The following MSI2 variants were observed in gnomAD, a reference collection of about 807,000 sequenced individuals.
MSI2 encodes the protein RNA-binding protein Musashi homolog 2.
MSI2 carries 17 observed loss-of-function variants against 45.6 expected under a neutral mutation model. The ratio of observed to expected loss-of-function variants is 0.37; its 90% CI spans 0.26 to 0.56. MSI2 has a LOEUF of 0.56. Among genes scored for constraint, MSI2 ranks in the 20% least tolerant of loss-of-function variants. MSI2 has a pLI of 0.77. For synonymous variants in MSI2, 156 were observed against 158.2 expected, an observed-to-expected ratio of 0.99 and a Z score of 0.11; for missense variants, 293 against 444.2, an observed-to-expected ratio of 0.66 and a Z score of 3.06.
At chr17:57,433,441 G>A (rs1168596150) in intron 6 of MSI2, among the ~76,000 whole-genome samples, 1 of 152,146 alleles carries the variant, frequency 6.6e-6, no homozygotes, top group Non-Finnish European at 1.5e-5. Context: ...CACAAGCCAT[G>A]GGACACCAAG....
intron 6 of MSI2, among the ~76,000 whole-genome samples, chr17:57,523,928 T>C (rs981478859): frequency 2.0e-5 from 3 of 152,226 alleles, no homozygotes; most frequent in African/African-American, 7.2e-5. Context: ...GCCACAAGAA[T>C]GCTGTGTAAC....
At chr17:57,352,385 C>T (rs1413987033) in intron 5 of MSI2, among the ~76,000 whole-genome samples, 1 of 152,046 alleles carries the variant, frequency 6.6e-6, no homozygotes, top group Admixed American at 6.5e-5. Context: ...ATAGAGGACT[C>T]GATGTTTGTT....
intron 6 of MSI2, among the ~76,000 whole-genome samples, chr17:57,418,336 T>TTTAGGG: frequency 6.6e-6 from 1 of 152,224 alleles, no homozygotes; most frequent in African/African-American, 2.4e-5. Flanking sequence ...ATGGCTATGC[T>TTTAGGG]CATTTGAAAT....
chr17:57,425,143 A>G (rs1472254027), intron 6 of MSI2, among the ~76,000 whole-genome samples: 1 of 152,104 alleles, frequency 6.6e-6, no homozygotes, highest in East Asian at 1.9e-4. Flanking sequence ...TATCCTGAAG[A>G]GGGGAGGGCC....
intron 5 of MSI2, among the ~76,000 whole-genome samples, chr17:57,360,323 G>T (rs1006541798): frequency 6.6e-6 from 1 of 152,248 alleles, no homozygotes; most frequent in African/African-American, 2.4e-5. Context: ...GGTATAATAG[G>T]TGAAACTTTT....
intron 5 of MSI2, among the ~76,000 whole-genome samples, chr17:57,393,474 T>C (rs977091395): frequency 2.0e-5 from 3 of 152,190 alleles, no homozygotes; most frequent in Non-Finnish European, 4.4e-5. Flanking sequence ...CTTTTTACAG[T>C]TGAATAATAT....
intron 5 of MSI2, among the ~76,000 whole-genome samples, chr17:57,333,095 C>T (rs1428540646): frequency 6.6e-6 from 1 of 152,098 alleles, no homozygotes; most frequent in African/African-American, 2.4e-5. Context: ...GGCTGTCTCA[C>T]TTTAGTGGCT....
intron 11 of MSI2, among the ~76,000 whole-genome samples, chr17:57,672,054 G>A (rs1912829427): frequency 6.6e-6 from 1 of 152,236 alleles, no homozygotes; most frequent in African/African-American, 2.4e-5. Flanking sequence ...CCAGAACTGG[G>A]TGCTTATTGC....
intron 6 of MSI2, among the ~76,000 whole-genome samples, chr17:57,453,631 C>A (rs558091152): frequency 1.3e-5 from 2 of 152,138 alleles, no homozygotes; most frequent in Admixed American, 1.3e-4. Context: ...TACCTTGTGC[C>A]GGGCACGCTT....
intron 10 of MSI2, among the ~76,000 whole-genome samples, chr17:57,640,332 C>G (rs1158305120): frequency 6.6e-6 from 1 of 152,188 alleles, no homozygotes; most frequent in Admixed American, 6.5e-5. Context: ...TAAGACATAC[C>G]CCATCACTCA....
chr17:57,317,207 C>T (rs892804796), intron 5 of MSI2, among the ~76,000 whole-genome samples: 1 of 152,138 alleles, frequency 6.6e-6, no homozygotes, highest in Non-Finnish European at 1.5e-5. Context: ...CTCGATTAGC[C>T]ACGCCTGCCA....
chr17:57,691,026 A>G, the MSI2 span, among the ~76,000 whole-genome samples: 12 of 152,138 alleles, frequency 7.9e-5, no homozygotes, highest in African/African-American at 2.7e-4. Context: ...ACATATTGAA[A>G]TCCAGTTGTT....
chr17:57,523,205 G>T (rs139578943), intron 6 of MSI2, among the ~76,000 whole-genome samples: 1 of 151,998 alleles, frequency 6.6e-6, no homozygotes, highest in Non-Finnish European at 1.5e-5. Context: ...ACACCACAAC[G>T]CCCACCTAAT....
intron 5 of MSI2, among the ~76,000 whole-genome samples, chr17:57,346,352 G>T (rs1012730878): frequency 1.4e-5 from 2 of 147,412 alleles, no homozygotes; most frequent in Admixed American, 6.7e-5. Context: ...ACATTTTGGG[G>T]GGGGGGGTCT....
At chr17:57,415,834 C>T (rs2084285255) in intron 6 of MSI2, among the ~76,000 whole-genome samples, 1 of 152,176 alleles carries the variant, frequency 6.6e-6, no homozygotes, top group Admixed American at 6.5e-5. Flanking sequence ...AGCTATCCCT[C>T]TGACAAATCC....
chr17:57,363,579 A>G (rs1271935618), intron 5 of MSI2, among the ~76,000 whole-genome samples: 1 of 152,154 alleles, frequency 6.6e-6, no homozygotes, highest in African/African-American at 2.4e-5. Context: ...CTCTACTAAA[A>G]AGTAAAGAAA....
chr17:57,404,988 G>C (rs2084056566), intron 6 of MSI2, among the ~76,000 whole-genome samples: 1 of 152,082 alleles, frequency 6.6e-6, no homozygotes, highest in South Asian at 2.1e-4. Context: ...CTAACAGGTT[G>C]GCAGAATCCA....
chr17:57,625,203 C>G (rs1908686279), intron 9 of MSI2, among the ~76,000 whole-genome samples: 1 of 152,166 alleles, frequency 6.6e-6, no homozygotes, highest in Admixed American at 6.5e-5. Flanking sequence ...ACACATACAT[C>G]AAATCATAAC....
chr17:57,289,110 C>G (rs1910171935), intron 5 of MSI2, among the ~76,000 whole-genome samples: 4 of 152,204 alleles, frequency 2.6e-5, no homozygotes, highest in African/African-American at 9.7e-5. Flanking sequence ...TCATGAAATT[C>G]AAGAGCAGGA....
Sources: gnomAD v4.1 joint callset for allele counts (sites outside exome capture counted in the v4.1 genomes callset) on GRCh38, gnomAD v4.1.1 for gene constraint, MANE v1.5 for transcripts, NCBI Gene and HGNC (gene_info 2026-07-23, HGNC 2026-07-21) for gene names.